NRG3: variants seen among roughly 807,000 people sequenced by gnomAD.
The protein encoded by NRG3 is neuregulin 3, also known as pro-neuregulin-3, membrane-bound isoform.
A neutral mutation model predicts 66.9 loss-of-function variants in NRG3; 31 were observed. The observed-to-expected ratio is 0.46, with a 90% CI of 0.35 to 0.63. The LOEUF is 0.63. NRG3 is among the 20% of genes least tolerant of loss of function. The pLI is 0.00. For missense variants in NRG3, 910 were observed against 878.9 expected, an observed-to-expected ratio of 1.04 and a Z score of -0.45; for synonymous variants, 393 against 359.4, an observed-to-expected ratio of 1.09 and a Z score of -1.06.
chr10:82,981,600 T>A (rs117912500), intron 8 of NRG3, among the ~76,000 whole-genome samples: 60 of 152,304 alleles, frequency 3.9e-4, no homozygotes, highest in Non-Finnish European at 6.9e-4. Context: ...GTGGGCGCTG[T>A]CTATGACAGT....
At chr10:82,981,399 C>A (rs1366291184) in intron 8 of NRG3, among the ~76,000 whole-genome samples, 1 of 152,202 alleles carries the variant, frequency 6.6e-6, no homozygotes, top group African/African-American at 2.4e-5. Context: ...TCTCAGGGAG[C>A]AATCTCATTC....
At chr10:81,990,301 C>T (rs950092084) in intron 1 of NRG3, among the ~76,000 whole-genome samples, 7 of 152,034 alleles carry the variant, frequency 4.6e-5, no homozygotes, top group African/African-American at 7.2e-5. Context: ...GCTGTTTACT[C>T]TCATATTAAA....
intron 1 of NRG3, among the ~76,000 whole-genome samples, chr10:81,880,040 CA>C (rs1198295517): frequency 1.3e-5 from 2 of 152,052 alleles, no homozygotes; most frequent in African/African-American, 4.8e-5. Flanking sequence ...TTTTTATGAG[CA>C]CAGGCTGCAA....
intron 5 of NRG3, chr10:82,955,089 C>G (rs781654944): frequency 2.7e-4 from 41 of 151,842 alleles, no homozygotes; most frequent in Admixed American, 5.2e-4. Flanking sequence ...GCTCAAAGCT[C>G]TCTTGATCAT....
intron 2 of NRG3, among the ~76,000 whole-genome samples, chr10:82,366,862 A>G (rs1205104834): frequency 6.6e-6 from 1 of 152,254 alleles, no homozygotes; most frequent in East Asian, 1.9e-4. Flanking sequence ...AGTGTTTAAA[A>G]TATGTAGGCA....
At chr10:82,427,433 A>T (rs2089520394) in intron 2 of NRG3, among the ~76,000 whole-genome samples, 1 of 152,118 alleles carries the variant, frequency 6.6e-6, no homozygotes, top group African/African-American at 2.4e-5. Context: ...TATCATGGAG[A>T]TTATAAGTTA....
chr10:82,380,622 A>G (rs1209913532), intron 2 of NRG3, among the ~76,000 whole-genome samples: 1 of 152,198 alleles, frequency 6.6e-6, no homozygotes, highest in Non-Finnish European at 1.5e-5. Context: ...ATGGGAAAGT[A>G]TAGAAATGAG....
intron 1 of NRG3, among the ~76,000 whole-genome samples, chr10:82,189,565 G>A (rs904339258): frequency 2.6e-5 from 4 of 152,030 alleles, no homozygotes; most frequent in Non-Finnish European, 5.9e-5. Flanking sequence ...GCCAATGCGG[G>A]CAGATCACGA....
intron 3 of NRG3, among the ~76,000 whole-genome samples, chr10:82,784,073 T>C (rs1188751573): frequency 3.0e-4 from 45 of 152,054 alleles, no homozygotes; most frequent in Non-Finnish European, 5.4e-4. Context: ...AACGATCTGA[T>C]CTTTGACAAA....
At chr10:82,588,790 C>T (rs144926315) in intron 2 of NRG3, among the ~76,000 whole-genome samples, 415 of 152,232 alleles carry the variant, frequency 2.7e-3, no homozygotes, top group African/African-American at 9.2e-3. Context: ...CGTGAGCCAC[C>T]GCACCCAGCC....
intron 2 of NRG3, among the ~76,000 whole-genome samples, chr10:82,568,872 G>A (rs1358722688): frequency 6.6e-6 from 1 of 151,658 alleles, no homozygotes; most frequent in East Asian, 1.9e-4. Flanking sequence ...TGTCCAAGCA[G>A]AATTATTTGG....
chr10:82,773,450 G>A (rs898405803), intron 3 of NRG3, among the ~76,000 whole-genome samples: 6 of 151,966 alleles, frequency 3.9e-5, no homozygotes, highest in South Asian at 2.1e-4. Context: ...TTCAGCTATC[G>A]GGTTGTAAAT....
chr10:82,162,245 G>A (rs1026915654), intron 1 of NRG3, among the ~76,000 whole-genome samples: 2 of 152,108 alleles, frequency 1.3e-5, no homozygotes, highest in Non-Finnish European at 2.9e-5. Flanking sequence ...GATAGCTAAA[G>A]GAGAGGTGAA....
intron 1 of NRG3, among the ~76,000 whole-genome samples, chr10:81,951,728 G>T (rs1234476066): frequency 6.6e-6 from 1 of 152,142 alleles, no homozygotes; most frequent in Non-Finnish European, 1.5e-5. Context: ...TTTTGTTACA[G>T]TTGCTTATTT....
intron 1 of NRG3, among the ~76,000 whole-genome samples, chr10:82,287,922 T>C (rs568139195): frequency 1.3e-5 from 2 of 152,286 alleles, no homozygotes; most frequent in African/African-American, 4.8e-5. Flanking sequence ...TTGATCATGA[T>C]TATCGGGAGT....
chr10:82,343,742 A>G (rs1406441197), intron 1 of NRG3, among the ~76,000 whole-genome samples: 1 of 152,100 alleles, frequency 6.6e-6, no homozygotes, highest in African/African-American at 2.4e-5. Flanking sequence ...TTTATTCTAT[A>G]TGGTAACTAA....
At chr10:82,615,678 C>T (rs1353516549) in intron 2 of NRG3, among the ~76,000 whole-genome samples, 2 of 152,128 alleles carry the variant, frequency 1.3e-5, no homozygotes, top group Non-Finnish European at 2.9e-5. Flanking sequence ...AGGAAGGATT[C>T]TTCACTTCTA....
At chr10:82,518,483 G>GA (rs1308629138) in intron 2 of NRG3, among the ~76,000 whole-genome samples, 2 of 152,136 alleles carry the variant, frequency 1.3e-5, no homozygotes, top group South Asian at 2.1e-4. Context: ...AGATACATTA[G>GA]AAAAAAGTGT....
chr10:82,238,329 A>G (rs891065431), intron 1 of NRG3, among the ~76,000 whole-genome samples: 1 of 151,220 alleles, frequency 6.6e-6, no homozygotes, highest in Admixed American at 6.6e-5. Context: ...CTTAAAAAGA[A>G]AAAAAAAAGT....
Sources: gnomAD v4.1 joint callset for allele counts (sites outside exome capture counted in the v4.1 genomes callset) on GRCh38, gnomAD v4.1.1 for gene constraint, MANE v1.5 for transcripts, NCBI Gene and HGNC (gene_info 2026-07-23, HGNC 2026-07-21) for gene names.